The following EPHA5 variants were observed in gnomAD, a reference collection of about 807,000 sequenced individuals.
The protein encoded by EPHA5 is EPH receptor A5.
Under a neutral mutation model 105.0 loss-of-function variants are expected in EPHA5, and 60 were observed. The ratio of observed to expected loss-of-function variants is 0.57; its 90% CI spans 0.46 to 0.71. EPHA5 has a LOEUF of 0.71. Among genes scored for constraint, EPHA5 ranks in the 30% least tolerant of loss-of-function variants. The pLI, the probability that EPHA5 is intolerant of heterozygous loss-of-function variation, is 0.00. For missense variants in EPHA5, 1,218 were observed against 1,274.7 expected (o/e 0.96, Z 0.68); for synonymous variants, 513 against 449.1 (o/e 1.14, Z -1.80).
In EPHA5 at chr4:65,517,517, G is replaced by C. The variant is rs1734224267; in HGVS notation, c.911-21974C>G. Among the ~76,000 whole-genome samples, 3 of 151,766 alleles carry C rather than the reference G, an allele frequency of 2.0e-5. No homozygotes were observed. In the South Asian group the frequency reaches 6.2e-4, roughly 31 times the overall value. The stretch of plus-strand genomic sequence containing the variant: ...ATTGTAGAATTAAGCCAGTTATCAT[G>C]TAATGTAATTATTGATATAGTTGGA... On this transcript the variant is annotated intron_variant, in intron 3 of 16. Coordinates refer to ENST00000613740, the MANE Select transcript of EPHA5 (RefSeq NM_001281766.3).
At chr4:65,483,130 G>A (rs746370249) in intron 5 of EPHA5, among the ~76,000 whole-genome samples, 4 of 152,032 alleles carry the variant, frequency 2.6e-5, no homozygotes, top group African/African-American at 4.8e-5. Context: ...CTGTCCTTGC[G>A]ATAGTTTGCT....
At chr4:65,609,630 G>GA (rs1202416070) in intron 2 of EPHA5, among the ~76,000 whole-genome samples, 7 of 139,066 alleles carry the variant, frequency 5.0e-5, no homozygotes, top group East Asian at 5.0e-4. Flanking sequence ...CAACCTGGAG[G>GA]AAAAAAATCA....
At chr4:65,456,318 T>C (rs1727579230) in intron 5 of EPHA5, among the ~76,000 whole-genome samples, 1 of 142,006 alleles carries the variant, frequency 7.0e-6, no homozygotes, top group Non-Finnish European at 1.6e-5. Context: ...TACTCTGTTC[T>C]TCGATTTTTT....
intron 8 of EPHA5, among the ~76,000 whole-genome samples, chr4:65,403,673 A>G (rs1441954925): frequency 6.6e-6 from 1 of 151,994 alleles, no homozygotes; most frequent in East Asian, 1.9e-4. Flanking sequence ...GATTATGCTC[A>G]GCTTAATATC....
intron 8 of EPHA5, among the ~76,000 whole-genome samples, chr4:65,383,312 T>G (rs1427087965): frequency 2.0e-5 from 3 of 151,292 alleles, no homozygotes; most frequent in African/African-American, 7.3e-5. Context: ...TCCTTTGCTC[T>G]CCCAATTAAT....
chr4:65,594,633 C>T (rs1361164844), intron 3 of EPHA5, among the ~76,000 whole-genome samples: 2 of 152,112 alleles, frequency 1.3e-5, no homozygotes, highest in Admixed American at 6.5e-5. Context: ...AAAGAAATCA[C>T]GAGGTTTTTG....
At chr4:65,633,823 CAT>C (rs1481088493) in intron 2 of EPHA5, among the ~76,000 whole-genome samples, 5 of 151,984 alleles carry the variant, frequency 3.3e-5, no homozygotes, top group East Asian at 1.9e-4. Context: ...TCTTTGTTCA[CAT>C]GTTTGCTTCC....
At position 65,323,901 on chromosome 4, in the gene EPHA5, A is replaced by G. The variant is rs911553361; in HGVS notation, c.*213T>C. The G allele has an allele frequency of 7.3e-6, 3 of 410,456 alleles. No homozygotes were observed. Among genetic ancestry groups the G allele is most frequent in the Non-Finnish European group, 1.3e-5 (3 of 226,568 alleles). The allele number at this position is 410,456 out of a possible 1,614,324, so 25.4% of individuals were successfully genotyped here. On this transcript the variant is annotated 3_prime_UTR_variant, in exon 17 of 17. Coordinates refer to ENST00000613740, the MANE Select transcript of EPHA5 (RefSeq NM_001281766.3). ...TCTAACTTCATGTCCCTTTTAATGC[A>G]AGATATGTTTGCTTCATGAAAAATG...
chr4:65,397,241 C>T (rs1721334262), intron 8 of EPHA5, among the ~76,000 whole-genome samples: 1 of 152,168 alleles, frequency 6.6e-6, no homozygotes, highest in Non-Finnish European at 1.5e-5. Flanking sequence ...AAAGGTGGAC[C>T]TCCTCCTGGA....
chr4:65,625,307 T>G (rs1036643339), intron 2 of EPHA5, among the ~76,000 whole-genome samples: 1 of 152,072 alleles, frequency 6.6e-6, no homozygotes, highest in Non-Finnish European at 1.5e-5. Context: ...AAACTGCTAG[T>G]TTGTCATACC....
At chr4:65,491,974 T>G (rs1327317575) in intron 4 of EPHA5, among the ~76,000 whole-genome samples, 1 of 152,150 alleles carries the variant, frequency 6.6e-6, no homozygotes, top group East Asian at 1.9e-4. Context: ...AGAGACAATT[T>G]GGACATCTCT....
intron 2 of EPHA5, among the ~76,000 whole-genome samples, chr4:65,642,729 T>C (rs1747771089): frequency 6.6e-6 from 1 of 152,044 alleles, no homozygotes; most frequent in South Asian, 2.1e-4. Flanking sequence ...TAGGTTGTTA[T>C]AATCAAATTT....
chr4:65,379,983 C>T lies in EPHA5; in HGVS notation c.1794-12559G>A, dbSNP rs538599597. On this transcript the variant is annotated intron_variant, in intron 8 of 16. Transcript: ENST00000613740. ...ATTTCTGAAGACGCTTTCACAGTAA[C>T]AGCTTGACATCAGATGGTATAAAAA... Among the ~76,000 whole-genome samples, 4 of 151,874 alleles carry T rather than the reference C, an allele frequency of 2.6e-5. No individual in the cohort carries two copies. The East Asian group carries it at 7.8e-4, about 30-fold the overall frequency.
chr4:65,331,331 A>T, intron 16 of EPHA5: 1 of 1,035,652 alleles, frequency 9.7e-7, no homozygotes, highest in Non-Finnish European at 1.2e-6. Flanking sequence ...CTTAATATTT[A>T]ACTCTAGTGA....
chr4:65,408,666 T>C (rs7686871), intron 7 of EPHA5, among the ~76,000 whole-genome samples: 121,240 of 151,606 alleles, frequency 0.8, 48,897 homozygotes, highest in South Asian at 0.92. Flanking sequence ...GTTAGAATGG[T>C]GATCATTAAA....
chr4:65,651,667 C>T (rs1748620218), intron 1 of EPHA5, among the ~76,000 whole-genome samples: 1 of 151,404 alleles, frequency 6.6e-6, no homozygotes, highest in African/African-American at 2.4e-5. Context: ...TTTATTTTAC[C>T]CCAAAGTATT....
At chr4:65,566,926 A>C (rs1285247269) in intron 3 of EPHA5, among the ~76,000 whole-genome samples, 1 of 151,628 alleles carries the variant, frequency 6.6e-6, no homozygotes. Context: ...GAGGGTAAAT[A>C]GTGGGAATGT....
At chr4:65,404,328 G>A (rs1047992480) in intron 8 of EPHA5, 46 bp downstream of exon 8, 7 of 1,523,262 alleles carry the variant, frequency 4.6e-6, no homozygotes, top group Non-Finnish European at 6.4e-6. Context: ...TCAAGGTGAG[G>A]AAGAGATCAG....
At chr4:65,405,239 A>C (rs779571979) in intron 7 of EPHA5, among the ~76,000 whole-genome samples, 14 of 150,356 alleles carry the variant, frequency 9.3e-5, no homozygotes, top group Non-Finnish European at 1.9e-4. Flanking sequence ...TAAGCAAATA[A>C]ATTTTATTTT....
Sources: gnomAD v4.1 joint callset for allele counts (sites outside exome capture counted in the v4.1 genomes callset) on GRCh38, gnomAD v4.1.1 for gene constraint, MANE v1.5 for transcripts, NCBI Gene and HGNC (gene_info 2026-07-23, HGNC 2026-07-21) for gene names.